Variants in MAGI1 observed in about 807,000 individuals in gnomAD.
The protein encoded by MAGI1 is membrane-associated guanylate kinase, WW and PDZ domain-containing protein 1.
In MAGI1, 58 loss-of-function variants were observed where a neutral mutation model predicts 139.9. The observed-to-expected ratio is 0.41, with a 90% CI of 0.34 to 0.52. The LOEUF is 0.52. Ranked by LOEUF, MAGI1 falls within the 20% of genes least tolerant of loss-of-function variation. The pLI is 0.12. For missense variants in MAGI1, 1,874 were observed against 1,901.6 expected (o/e 0.99, Z 0.27); for synonymous variants, 812 against 737.9 (o/e 1.10, Z -1.63).
At chr3:65,885,555 T>C (rs1210939372) in intron 1 of MAGI1, among the ~76,000 whole-genome samples, 1 of 152,150 alleles carries the variant, frequency 6.6e-6, no homozygotes, top group Non-Finnish European at 1.5e-5. Flanking sequence ...TTACATGTCA[T>C]GGAGGGACCC....
At position 65,859,097 on chromosome 3, in the gene MAGI1, C is replaced by G. The variant is rs9811307; in HGVS notation, c.313+178899G>C. 6.0e-3 allele frequency among the ~76,000 whole-genome samples: 919 copies of G among 152,282 alleles called. 11 individuals are homozygous for G. The highest frequency in any genetic ancestry group is 0.02 in the African/African-American group (832 of 41,562). On this transcript the variant is annotated intron_variant, in intron 1 of 22. Coordinates refer to ENST00000402939, the MANE Select transcript of MAGI1 (RefSeq NM_001033057.2). The stretch of plus-strand genomic sequence containing the variant: ...CTTGTAATCCCAGCACTGTGGGAGG[C>G]TGAGGTGTGCAGATCACTTGCGGTC...
intron 2 of MAGI1, among the ~76,000 whole-genome samples, chr3:65,565,856 C>CAAAA (rs766254957): frequency 1.1e-5 from 1 of 93,932 alleles, no homozygotes. Flanking sequence ...GACTCCGTGT[C>CAAAA]AAAAAAAAAA....
chr3:65,498,278 T>TA (rs1475229519), intron 2 of MAGI1, among the ~76,000 whole-genome samples: 8 of 116,178 alleles, frequency 6.9e-5, no homozygotes, highest in East Asian at 9.6e-4. Flanking sequence ...CGTACTAATA[T>TA]AAAAAAAAAG....
At chr3:65,647,466 C>A (rs1377372192) in intron 1 of MAGI1, among the ~76,000 whole-genome samples, 1 of 152,044 alleles carries the variant, frequency 6.6e-6, no homozygotes, top group East Asian at 1.9e-4. Context: ...CTCCCACAAA[C>A]CTACATGTAA....
chr3:65,867,847 T>C (rs2059784275), intron 1 of MAGI1, among the ~76,000 whole-genome samples: 1 of 152,156 alleles, frequency 6.6e-6, no homozygotes, highest in East Asian at 1.9e-4. Context: ...TGCCATTTAC[T>C]GTGCTTTCTG....
At chr3:65,986,264 T>C (rs748046036) in intron 1 of MAGI1, among the ~76,000 whole-genome samples, 1 of 152,224 alleles carries the variant, frequency 6.6e-6, no homozygotes, top group Admixed American at 6.5e-5. Context: ...TTTACCCATA[T>C]TAACTTTTAA....
At chr3:65,496,607 G>C (rs1039062608) in intron 2 of MAGI1, among the ~76,000 whole-genome samples, 3 of 152,154 alleles carry the variant, frequency 2.0e-5, no homozygotes, top group African/African-American at 7.2e-5. Context: ...AAGGTATTAA[G>C]CGCCACATGC....
intron 1 of MAGI1, among the ~76,000 whole-genome samples, chr3:65,891,563 G>A (rs981883398): frequency 2.6e-5 from 4 of 151,822 alleles, no homozygotes; most frequent in African/African-American, 9.7e-5. Flanking sequence ...ACATTACCAA[G>A]GTTACTTTTC....
intron 1 of MAGI1, among the ~76,000 whole-genome samples, chr3:65,800,648 A>AC (rs2040458195): frequency 6.6e-6 from 1 of 151,678 alleles, no homozygotes; most frequent in Non-Finnish European, 1.5e-5. Flanking sequence ...TAAAAAAAAA[A>AC]CTGATGTAAG....
At chr3:65,682,871 T>C (rs2087692178) in intron 1 of MAGI1, among the ~76,000 whole-genome samples, 1 of 152,102 alleles carries the variant, frequency 6.6e-6, no homozygotes, top group Non-Finnish European at 1.5e-5. Flanking sequence ...CCCAAACTTT[T>C]TGGCACCAGG....
At chr3:65,718,845 C>G (rs904820960) in intron 1 of MAGI1, among the ~76,000 whole-genome samples, 4 of 152,076 alleles carry the variant, frequency 2.6e-5, no homozygotes, top group Non-Finnish European at 5.9e-5. Flanking sequence ...AGATTTCCAT[C>G]TGGTCTTTCC....
At chr3:65,916,888 T>G (rs264689) in intron 1 of MAGI1, among the ~76,000 whole-genome samples, 1 of 152,058 alleles carries the variant, frequency 6.6e-6, no homozygotes, top group African/African-American at 2.4e-5. Flanking sequence ...CAGGGATAAG[T>G]TCTACTGTTC....
intron 1 of MAGI1, among the ~76,000 whole-genome samples, chr3:65,690,008 A>G (rs1023333656): frequency 6.6e-6 from 1 of 151,964 alleles, no homozygotes; most frequent in Non-Finnish European, 1.5e-5. Context: ...TGTTGTTTCA[A>G]TGAGGTTGAC....
chr3:65,533,341 C>G (rs4688575), intron 2 of MAGI1, among the ~76,000 whole-genome samples: 3,290 of 152,292 alleles, frequency 0.022, 75 homozygotes, highest in Admixed American at 0.061. Context: ...ACACTGCAAT[C>G]TGCTCTTCTC....
intron 1 of MAGI1, among the ~76,000 whole-genome samples, chr3:65,781,367 T>C (rs1470241388): frequency 6.6e-6 from 1 of 152,206 alleles, no homozygotes; most frequent in Non-Finnish European, 1.5e-5. Context: ...CATTTGATCA[T>C]CTGAACATTT....
At chr3:65,786,482 ATTT>A (rs934338056) in intron 1 of MAGI1, among the ~76,000 whole-genome samples, 1 of 151,104 alleles carries the variant, frequency 6.6e-6, no homozygotes, top group African/African-American at 2.4e-5. Flanking sequence ...AACTTACTGT[ATTT>A]TTTGTAGAGA....
intron 1 of MAGI1, among the ~76,000 whole-genome samples, chr3:65,941,917 G>T (rs894313981): frequency 6.6e-6 from 1 of 152,122 alleles, no homozygotes; most frequent in Non-Finnish European, 1.5e-5. Context: ...TCAGCCTCCT[G>T]AAGCTGGGAC....
chr3:65,640,028 A>G lies in MAGI1; in HGVS notation c.314-17940T>C, dbSNP rs116429203. On this transcript the variant is annotated intron_variant, in intron 1 of 22. Transcript: ENST00000402939. ...AAATTACTTCCGTCTGACTGCTTTGAGCTGGGAATCAGTTTTTCCTGTGTT... is the reference window on the plus strand; with the variant it reads ...AAATTACTTCCGTCTGACTGCTTTGGGCTGGGAATCAGTTTTTCCTGTGTT... Among the ~76,000 whole-genome samples, 273 of 149,234 alleles carry G rather than the reference A, an allele frequency of 1.8e-3. 1 individual carries two copies. The highest frequency in any genetic ancestry group is 6.2e-3 in the African/African-American group (244 of 39,176).
chr3:65,957,223 A>T (rs956574061), intron 1 of MAGI1, among the ~76,000 whole-genome samples: 3 of 152,118 alleles, frequency 2.0e-5, no homozygotes, highest in African/African-American at 7.2e-5. Context: ...ATTATACAGA[A>T]GTCAAAATGG....
Sources: allele counts gnomAD v4.1 joint callset (sites outside exome capture counted in the v4.1 genomes callset), GRCh38; gene constraint gnomAD v4.1.1; transcripts MANE v1.5; gene names NCBI Gene and HGNC (gene_info 2026-07-23, HGNC 2026-07-21).